The following EPHA7 variants were observed in gnomAD, a reference collection of about 807,000 sequenced individuals.
EPHA7 encodes ephrin type-A receptor 7.
A neutral mutation model predicts 112.6 loss-of-function variants in EPHA7; 25 were observed. The ratio of observed to expected loss-of-function variants is 0.22; its 90% CI spans 0.16 to 0.31. EPHA7 has a LOEUF of 0.31. Among genes scored for constraint, EPHA7 ranks in the 10% least tolerant of loss-of-function variants. EPHA7 has a pLI of 1.00. For synonymous variants in EPHA7, 437 were observed against 406.5 expected (o/e 1.07, Z -0.90); for missense variants, 962 against 1,212.6 (o/e 0.79, Z 3.07).
chr6:93,322,157 A>T (rs180786), intron 5 of EPHA7, among the ~76,000 whole-genome samples: 1 of 151,938 alleles, frequency 6.6e-6, no homozygotes, highest in South Asian at 2.1e-4. Flanking sequence ...GCAAACATGT[A>T]TGTATACACA....
intron 5 of EPHA7, among the ~76,000 whole-genome samples, chr6:93,322,992 G>C (rs537199108): frequency 4.6e-5 from 7 of 151,570 alleles, no homozygotes; most frequent in South Asian, 2.1e-4. Flanking sequence ...TTAAAAGTTT[G>C]AATGAAGATT....
chr6:93,253,636 C>T (rs550385034), intron 14 of EPHA7, among the ~76,000 whole-genome samples: 3 of 152,140 alleles, frequency 2.0e-5, no homozygotes, highest in East Asian at 1.9e-4. Context: ...TTTCTAATTA[C>T]CACAAGTGTA....
chr6:93,379,985 T>G (rs1342277276), intron 3 of EPHA7, among the ~76,000 whole-genome samples: 1 of 152,070 alleles, frequency 6.6e-6, no homozygotes, highest in East Asian at 1.9e-4. Context: ...TGAAAAGATT[T>G]TGTTTCTTTG....
chr6:93,267,059 A>C (rs1340963033), intron 7 of EPHA7, among the ~76,000 whole-genome samples: 5 of 151,820 alleles, frequency 3.3e-5, no homozygotes, highest in Non-Finnish European at 4.4e-5. Context: ...GGTATATGAC[A>C]TGATAATACT....
At chr6:93,359,869 AG>A in intron 3 of EPHA7, among the ~76,000 whole-genome samples, 1 of 122,834 alleles carries the variant, frequency 8.1e-6, no homozygotes, top group South Asian at 2.6e-4. Flanking sequence ...AGAGAGAGAG[AG>A]AGAGAGATAG....
chr6:93,254,689 C>T lies in EPHA7; in HGVS notation c.2490G>A (p.Met830Ile). 6.2e-7 allele frequency: 1 copy of T among 1,613,524 alleles called. No homozygotes were observed. The highest frequency in any genetic ancestry group is 1.1e-5 in the South Asian group (1 of 91,030). Residue 830 changes from methionine to isoleucine, a missense_variant, in exon 14 of 17, where the codon ATG becomes ATA. Physicochemically the swap from Met to Ile is conservative, Grantham distance 10. Coordinates refer to ENST00000369303, the MANE Select transcript of EPHA7 (RefSeq NM_004440.4). Reference sequence around the variant, plus strand: ...CCCAATAAGGTCTTTCTCCATAAGACATAACTTCCCACATGACTATTCCAT... The same window carrying T: ...CCCAATAAGGTCTTTCTCCATAAGATATAACTTCCCACATGACTATTCCAT... Reference protein sequence around the residue: ...WSYGIVMWEVMSYGERPYWDM... With the variant: ...WSYGIVMWEVISYGERPYWDM...
intron 5 of EPHA7, among the ~76,000 whole-genome samples, chr6:93,300,619 C>T (rs1012567802): frequency 1.3e-5 from 2 of 152,066 alleles, no homozygotes; most frequent in Non-Finnish European, 2.9e-5. Context: ...AAAGCTATAA[C>T]CCAAATAACT....
intron 3 of EPHA7, among the ~76,000 whole-genome samples, chr6:93,403,498 G>A (rs1562160325): frequency 2.0e-5 from 3 of 151,968 alleles, no homozygotes; most frequent in Admixed American, 2.0e-4. Flanking sequence ...GAGAAGCCAG[G>A]CATAGTGGCA....
At chr6:93,417,028 AG>A (rs1779269229) in intron 1 of EPHA7, among the ~76,000 whole-genome samples, 1 of 151,420 alleles carries the variant, frequency 6.6e-6, no homozygotes, top group Admixed American at 6.6e-5. Context: ...TTTCGGGAAG[AG>A]GAGAGTGGCT....
intron 7 of EPHA7, among the ~76,000 whole-genome samples, chr6:93,266,462 C>T (rs1358269026): frequency 6.6e-6 from 1 of 151,538 alleles, no homozygotes; most frequent in Non-Finnish European, 1.5e-5. Context: ...TTGTCAGGGT[C>T]GTACTTTAAT....
intron 5 of EPHA7, among the ~76,000 whole-genome samples, chr6:93,320,364 G>GT (rs1182157218): frequency 6.6e-6 from 1 of 151,950 alleles, no homozygotes. Flanking sequence ...CAGTATATTA[G>GT]TTTTTCATTC....
At chr6:93,315,221 C>A (rs1485748133) in intron 5 of EPHA7, among the ~76,000 whole-genome samples, 1 of 152,090 alleles carries the variant, frequency 6.6e-6, no homozygotes, top group Admixed American at 6.6e-5. Flanking sequence ...TATATATTAT[C>A]AAAATCTGAT....
In EPHA7 at chr6:93,395,483, C is replaced by A. The variant is rs1240099724; in HGVS notation, c.832+15018G>T. Among the ~76,000 whole-genome samples the A allele has an allele frequency of 2.0e-5, 3 of 151,570 alleles. No individual in the cohort carries two copies. In the Admixed American group the frequency reaches 2.0e-4, roughly 10 times the overall value. On this transcript the variant is annotated intron_variant, in intron 3 of 16. Transcript: ENST00000369303. ...TCATGACATGTAAACAAAAATAATA[C>A]AAACTTAAATTTCTGTCAAAATGGT...
chr6:93,372,831 G>A (rs927013573), intron 3 of EPHA7, among the ~76,000 whole-genome samples: 1 of 151,988 alleles, frequency 6.6e-6, no homozygotes, highest in Non-Finnish European at 1.5e-5. Flanking sequence ...CTTTTCACAT[G>A]AAAAATATAA....
intron 3 of EPHA7, among the ~76,000 whole-genome samples, chr6:93,392,803 T>G (rs761614677): frequency 6.6e-6 from 1 of 151,820 alleles, no homozygotes; most frequent in South Asian, 2.1e-4. Flanking sequence ...TTAAAAGCAA[T>G]ATGCATAATG....
intron 5 of EPHA7, among the ~76,000 whole-genome samples, chr6:93,312,507 C>T (rs1418152076): frequency 2.6e-5 from 4 of 152,110 alleles, no homozygotes; most frequent in Admixed American, 6.5e-5. Context: ...AGACCTATGC[C>T]TTTGCTCTTG....
chr6:93,303,013 G>A, intron 5 of EPHA7, among the ~76,000 whole-genome samples: 1 of 152,090 alleles, frequency 6.6e-6, no homozygotes, highest in African/African-American at 2.4e-5. Flanking sequence ...CATACACATA[G>A]AGCAAGGGAA....
Position 93,344,471 on chromosome 6 carries a change from T to C in EPHA7, c.1324+12246A>G, listed in dbSNP as rs182128038. On this transcript the variant is annotated intron_variant, in intron 5 of 16. Transcript: ENST00000369303. ...TTTTCCAAACATAATTCAGACTCAT[T>C]CTCTGTCTTAAAGTCTTTACCAGTC... Among the ~76,000 whole-genome samples, 349 of 151,726 alleles carry C rather than the reference T, an allele frequency of 2.3e-3. 2 individuals are homozygous for C. Among genetic ancestry groups the C allele is most frequent in the Non-Finnish European group, 4.3e-3 (294 of 67,698 alleles).
chr6:93,284,688 C>A (rs367760500), intron 5 of EPHA7, among the ~76,000 whole-genome samples: 3 of 152,154 alleles, frequency 2.0e-5, no homozygotes, highest in African/African-American at 7.2e-5. Flanking sequence ...AGGTTCATGT[C>A]CTTTGCAGGG....
Sources: allele counts gnomAD v4.1 joint callset (sites outside exome capture counted in the v4.1 genomes callset), GRCh38; gene constraint gnomAD v4.1.1; transcripts MANE v1.5; gene names NCBI Gene and HGNC (gene_info 2026-07-23, HGNC 2026-07-21).